Variants in RSPH3 observed in about 807,000 individuals in gnomAD.
RSPH3 encodes the protein radial spoke head protein 3 homolog.
RSPH3 carries 21 observed loss-of-function variants against 43.8 expected under a neutral mutation model. The observed-to-expected ratio is 0.48, with a 90% CI of 0.34 to 0.69. The LOEUF is 0.69. Among genes scored for constraint, RSPH3 ranks in the 30% least tolerant of loss-of-function variants. The pLI is 0.01. For synonymous variants in RSPH3, 173 were observed against 179.8 expected, an observed-to-expected ratio of 0.96 and a Z score of 0.30; for missense variants, 487 against 516.0, an observed-to-expected ratio of 0.94 and a Z score of 0.54.
chr6:158,999,055 G>A (rs1020476250), intron 1 of RSPH3, among the ~76,000 whole-genome samples: 2 of 152,230 alleles, frequency 1.3e-5, no homozygotes, highest in East Asian at 1.9e-4. Context: ...GCATAATGGA[G>A]TTATAAAATC....
chr6:158,996,323 T>C (rs1026384762), intron 1 of RSPH3, among the ~76,000 whole-genome samples: 10 of 152,216 alleles, frequency 6.6e-5, no homozygotes, highest in African/African-American at 2.4e-4. Context: ...TACCAAGAAA[T>C]ACATAAAAGA....
intron 6 of RSPH3, among the ~76,000 whole-genome samples, chr6:158,978,992 G>T (rs1016850417): frequency 6.6e-6 from 1 of 152,184 alleles, no homozygotes; most frequent in African/African-American, 2.4e-5. Context: ...ATTGAGCAAT[G>T]CCAGTAAAAG....
At chr6:158,978,776 T>C (rs1777934884) in intron 6 of RSPH3, among the ~76,000 whole-genome samples, 1 of 152,148 alleles carries the variant, frequency 6.6e-6, no homozygotes, top group Admixed American at 6.5e-5. Flanking sequence ...CCTGACATCG[T>C]GATTCACCCG....
rs1220138276 is a variant in RSPH3 at position 158,992,748 on chromosome 6, G to A, written c.204+1091C>T. Among the ~76,000 whole-genome samples the A allele has an allele frequency of 5.3e-5, 8 of 152,228 alleles. No homozygotes were observed. The East Asian group carries it at 1.4e-3, about 26-fold the overall frequency. On this transcript the variant is annotated intron_variant, in intron 2 of 7. Transcript: ENST00000367069. Reference sequence around the variant, plus strand: ...ACCATCTTGTATTAGGCACTTACATGTCATATACTGTTTATGGATTCATCT... The same window carrying A: ...ACCATCTTGTATTAGGCACTTACATATCATATACTGTTTATGGATTCATCT...
Position 158,999,461 on chromosome 6 carries a change from G to T in RSPH3, c.90C>A (p.Ser30Arg), listed in dbSNP as rs750420911. 1.3e-6 allele frequency: 2 copies of T among 1,515,854 alleles called. No homozygotes were observed. The highest frequency in any genetic ancestry group is 1.8e-6 in the Non-Finnish European group (2 of 1,133,962). 93.9% of individuals were successfully genotyped at this position (1,515,854 alleles called of 1,614,324 possible). Residue 30 changes from serine to arginine, a missense_variant, in exon 1 of 8, where the codon AGC (serine) becomes AGA (arginine). Transcript: ENST00000367069. ...SRPRALPCQR[S>R]RYRDSLTQPD... is the part of the protein sequence containing the mutation. ...GCTGCGTCAGGCTGTCCCGGTAACGGCTGCGCTGGCAGGGCAGTGCTCGGG... is the reference window on the plus strand; with the variant it reads ...GCTGCGTCAGGCTGTCCCGGTAACGTCTGCGCTGGCAGGGCAGTGCTCGGG...
chr6:158,983,609 A>G, intron 4 of RSPH3, 53 bp downstream of exon 4: 1 of 1,385,474 alleles, frequency 7.2e-7, no homozygotes, highest in East Asian at 2.3e-5. Context: ...TCTACACCTA[A>G]CTTTACCTCA....
At chr6:158,967,827 T>A in the RSPH3 span, among the ~76,000 whole-genome samples, 421 of 152,324 alleles carry the variant, frequency 2.8e-3, 4 homozygotes, top group Non-Finnish European at 4.5e-3. Flanking sequence ...AAAATACATT[T>A]CTTCACCTCT....
chr6:158,972,307 A>G (rs1367436659), downstream of RSPH3, among the ~76,000 whole-genome samples: 1 of 152,198 alleles, frequency 6.6e-6, no homozygotes, highest in Non-Finnish European at 1.5e-5. Context: ...AAGTGATGAA[A>G]CAAAGACTAA....
chr6:158,965,000 A>T, the RSPH3 span, among the ~76,000 whole-genome samples: 1 of 152,160 alleles, frequency 6.6e-6, no homozygotes, highest in South Asian at 2.1e-4. Context: ...GTGGGATTTG[A>T]CTTAATTCTT....
chr6:158,995,872 T>G (rs1778576426), intron 1 of RSPH3, among the ~76,000 whole-genome samples: 1 of 152,192 alleles, frequency 6.6e-6, no homozygotes, highest in Non-Finnish European at 1.5e-5. Context: ...GTACCGGGAT[T>G]ACAGGCGTGA....
chr6:158,980,819 C>CA lies in RSPH3; in HGVS notation c.813dup (p.Gly272TrpfsTer6). 6.2e-7 allele frequency: 1 copy of CA among 1,614,050 alleles called. No homozygotes were observed. Among genetic ancestry groups the CA allele is most frequent in the African/African-American group, 1.3e-5 (1 of 75,026 alleles). ...AAGTAGCCACTATCCCTGAGGCTGCCAAAAACAGACGGGAGAAGGTCAGCC... is the reference window on the plus strand; with the variant it reads ...AAGTAGCCACTATCCCTGAGGCTGCCAAAAAACAGACGGGAGAAGGTCAGCC... On this transcript the variant is annotated frameshift_variant, in exon 6 of 8. Coordinates refer to ENST00000367069, the MANE Select transcript of RSPH3 (RefSeq NM_031924.8). LOFTEE classifies it high-confidence loss of function.
chr6:158,999,456 T>C lies in RSPH3; in HGVS notation c.95A>G (p.Tyr32Cys). Reference protein sequence around the residue: ...PRALPCQRSRYRDSLTQPDEE... With the variant: ...PRALPCQRSRCRDSLTQPDEE... ...TCACGGCTGCGTCAGGCTGTCCCGGTAACGGCTGCGCTGGCAGGGCAGTGC... is the reference window on the plus strand; with the variant it reads ...TCACGGCTGCGTCAGGCTGTCCCGGCAACGGCTGCGCTGGCAGGGCAGTGC... The change falls in exon 1 of 8, where the codon TAC becomes TGC. Residue 32 changes from tyrosine (Y) to cysteine (C), a missense_variant. By Grantham distance (194) the Tyr-to-Cys change is radical. Transcript: ENST00000367069. 6.6e-7 allele frequency: 1 copy of C among 1,511,754 alleles called. No homozygotes were observed. The allele number at this position is 1,511,754 out of a possible 1,614,324, so 93.6% of individuals were successfully genotyped here. A position where few individuals can be genotyped will look rare whatever the true frequency, so the allele number is the denominator to read the frequency against.
At chr6:158,972,613 C>T (rs1777709097), downstream of RSPH3, among the ~76,000 whole-genome samples, 1 of 152,116 alleles carries the variant, frequency 6.6e-6, no homozygotes, top group Admixed American at 6.5e-5. Flanking sequence ...TAAAAGACAA[C>T]ATACAATGAT....
At chr6:158,969,668 T>C (rs143764000), downstream of RSPH3, among the ~76,000 whole-genome samples, 29 of 152,332 alleles carry the variant, frequency 1.9e-4, no homozygotes, top group African/African-American at 6.5e-4. Context: ...GTCCCACAGG[T>C]CTCTGAGGCT....
In RSPH3 at chr6:158,982,528, A is replaced by G. The variant is rs765288961; in HGVS notation, c.653T>C (p.Val218Ala). 2.0e-5 allele frequency: 32 copies of G among 1,612,578 alleles called. No individual in the cohort carries two copies. Among genetic ancestry groups the G allele is most frequent in the South Asian group, 1.5e-4 (14 of 90,968 alleles). ...CCTCTCTTGCTCTTCAAGTCGTTGAACTTCAGCACGTTCACTATTCCGTAG... is the reference window on the plus strand; with the variant it reads ...CCTCTCTTGCTCTTCAAGTCGTTGAGCTTCAGCACGTTCACTATTCCGTAG... ...EELRNSERAE[V>A]QRLEEQERRH... Residue 218 changes from valine to alanine, a missense_variant, in exon 5 of 8, where the codon GTT (valine) becomes GCT (alanine). Physicochemically the swap from Val to Ala is moderately conservative, Grantham distance 64. Transcript: ENST00000367069.
chr6:158,965,566 T>C, the RSPH3 span, among the ~76,000 whole-genome samples: 1 of 152,136 alleles, frequency 6.6e-6, no homozygotes, highest in South Asian at 2.1e-4. Context: ...GAGATTGTTT[T>C]CTTAATTTCC....
intron 1 of RSPH3, among the ~76,000 whole-genome samples, chr6:158,994,337 G>A (rs1157801679): frequency 2.0e-5 from 3 of 152,144 alleles, no homozygotes. Context: ...TTGATTCAAA[G>A]ATTGAAAAGT....
At chr6:158,993,163 A>G (rs1778475870) in intron 2 of RSPH3, among the ~76,000 whole-genome samples, 1 of 151,986 alleles carries the variant, frequency 6.6e-6, no homozygotes, top group South Asian at 2.1e-4. Flanking sequence ...CTGTCGCCAG[A>G]CTGGAGTGCA....
chr6:158,965,162 T>C, the RSPH3 span, among the ~76,000 whole-genome samples: 1 of 152,162 alleles, frequency 6.6e-6, no homozygotes, highest in Non-Finnish European at 1.5e-5. Context: ...TCTATATTTC[T>C]ATCCTTATCC....
Sources: gnomAD v4.1 joint callset for allele counts (sites outside exome capture counted in the v4.1 genomes callset) on GRCh38, gnomAD v4.1.1 for gene constraint, MANE v1.5 for transcripts, NCBI Gene and HGNC (gene_info 2026-07-23, HGNC 2026-07-21) for gene names.